The following AOX1 variants were observed in gnomAD, a reference collection of about 807,000 sequenced individuals.
The protein encoded by AOX1 is aldehyde oxidase 1.
A neutral mutation model predicts 169.5 loss-of-function variants in AOX1; 153 were observed. That is an observed-to-expected ratio of 0.90 (90% CI 0.79 to 1.03). The LOEUF (loss-of-function observed/expected upper bound fraction) is 1.03, where lower values mean the gene tolerates loss of function less well. Ranked by LOEUF, AOX1 falls within the 50% of genes least tolerant of loss-of-function variation. The pLI is 0.00. For synonymous variants in AOX1, 562 were observed against 581.9 expected (o/e 0.97, Z 0.49); for missense variants, 1,656 against 1,663.9 (o/e 1.00, Z 0.08).
chr2:200,649,512 A>C (rs772498165), intron 25 of AOX1, among the ~76,000 whole-genome samples: 47 of 152,090 alleles, frequency 3.1e-4, no homozygotes, highest in Non-Finnish European at 5.4e-4. Flanking sequence ...GGGTCCTCTC[A>C]GGATTATTGC....
chr2:200,587,126 A>AAAC (rs1020636022), intron 1 of AOX1, among the ~76,000 whole-genome samples: 1 of 151,708 alleles, frequency 6.6e-6, no homozygotes, highest in African/African-American at 2.4e-5. Context: ...AAACAAAACA[A>AAAC]AACAACAACA....
At position 200,620,777 on chromosome 2, in the gene AOX1, T is replaced by A; in HGVS notation, c.1832T>A (p.Phe611Tyr). ...ATGCCTCTGGTGGACCAGGAACTTT[T>A]CTTGACTTTTGTGACTAGTTCAAGA... Reference protein sequence around the residue: ...DDMPLVDQELFLTFVTSSRAH... With the variant: ...DDMPLVDQELYLTFVTSSRAH... The change falls in exon 17 of 35, where the codon TTC (phenylalanine) becomes TAC (tyrosine). Residue 611 changes from phenylalanine (F) to tyrosine (Y), a missense_variant. Physicochemically the swap from Phe to Tyr is conservative, Grantham distance 22. Transcript: ENST00000374700. 6.2e-7 allele frequency: 1 copy of A among 1,606,876 alleles called. No individual in the cohort carries two copies. Among genetic ancestry groups the A allele is most frequent in the Admixed American group, 1.7e-5 (1 of 58,082 alleles).
downstream of AOX1, among the ~76,000 whole-genome samples, chr2:200,672,923 G>A (rs1407777053): frequency 1.3e-5 from 2 of 152,184 alleles, no homozygotes; most frequent in East Asian, 3.9e-4. Context: ...GCAGCAGTGG[G>A]GCCCATGTGG....
chr2:200,586,955 G>T (rs1191833491), intron 1 of AOX1, among the ~76,000 whole-genome samples: 1 of 152,138 alleles, frequency 6.6e-6, no homozygotes. Context: ...TACTCTGAAG[G>T]AGGAAACTGA....
chr2:200,600,512 G>A (rs951933429), intron 5 of AOX1, among the ~76,000 whole-genome samples: 1 of 151,900 alleles, frequency 6.6e-6, no homozygotes, highest in African/African-American at 2.4e-5. Context: ...TTCTAAACAC[G>A]TTTTTTTAAG....
intron 25 of AOX1, among the ~76,000 whole-genome samples, chr2:200,643,994 T>C (rs2035405161): frequency 6.6e-6 from 1 of 152,218 alleles, no homozygotes; most frequent in African/African-American, 2.4e-5. Context: ...GAGGATTTTC[T>C]CCCACTCTGT....
rs1248576912 is a variant in AOX1 at position 200,609,003 on chromosome 2, T to G, written c.927T>G (p.Gly309=). The G allele has an allele frequency of 6.2e-7, 1 of 1,613,918 alleles. No individual in the cohort carries two copies. The highest frequency in any genetic ancestry group is 8.5e-7 in the Non-Finnish European group (1 of 1,179,964). Residue 309 remains glycine, a synonymous_variant, in exon 11 of 35, where the codon GGT becomes GGG. Transcript: ENST00000374700. ...TTTCAGGACTCACCCTTGGTGCTGG[T>G]CTCAGCCTAGCCCAGGTGAAGGACA... ...HAYNGLTLGA[G]LSLAQVKDIL... is the part of the protein sequence containing the mutation.
intron 15 of AOX1, among the ~76,000 whole-genome samples, chr2:200,614,585 A>T (rs2034712645): frequency 6.6e-6 from 1 of 152,184 alleles, no homozygotes; most frequent in East Asian, 1.9e-4. Flanking sequence ...AACTAAAAAA[A>T]ATTCTCTGAA....
chr2:200,590,130 A>G (rs2034138110), intron 1 of AOX1, among the ~76,000 whole-genome samples: 1 of 151,336 alleles, frequency 6.6e-6, no homozygotes, highest in South Asian at 2.1e-4. Context: ...CTTCACATGC[A>G]CCTCTACCCC....
chr2:200,620,897 G>A, intron 17 of AOX1, 78 bp downstream of exon 17: 2 of 1,486,166 alleles, frequency 1.3e-6, no homozygotes, highest in Non-Finnish European at 1.8e-6. Context: ...AAGTAATGGT[G>A]TGAAGAAATA....
intron 22 of AOX1, 121 bp downstream of exon 22, chr2:200,637,165 C>A (rs2035252376): frequency 8.1e-7 from 1 of 1,228,258 alleles, no homozygotes. Context: ...TACAAACACA[C>A]AAACAAGCTG....
At chr2:200,666,056 T>TA (rs1007408574) in intron 31 of AOX1, among the ~76,000 whole-genome samples, 3 of 152,176 alleles carry the variant, frequency 2.0e-5, no homozygotes, top group Admixed American at 6.6e-5. Context: ...TATATCACAT[T>TA]AAAAAAAATG....
chr2:200,586,239 C>G (rs148878576), intron 1 of AOX1, 86 bp downstream of exon 1: 20,564 of 1,385,544 alleles, frequency 0.015, 230 homozygotes, highest in Middle Eastern at 0.049. Context: ...CCCATCCTTT[C>G]GTGCCCGCCG....
chr2:200,601,611 A>G (rs534078476), intron 5 of AOX1, among the ~76,000 whole-genome samples: 1 of 148,152 alleles, frequency 6.7e-6, no homozygotes, highest in East Asian at 2.0e-4. Flanking sequence ...ATAACAGCTC[A>G]GTAAAATGGA....
chr2:200,661,113 T>A (rs1013399417), intron 29 of AOX1, among the ~76,000 whole-genome samples: 3 of 152,168 alleles, frequency 2.0e-5, no homozygotes, highest in Non-Finnish European at 4.4e-5. Flanking sequence ...AATGGTACAA[T>A]TTAGCAAAAT....
In AOX1 at chr2:200,607,252, G is replaced by A. The variant is rs1024280321; in HGVS notation, c.907+1624G>A. ...CTATAGAGATAATCATGTGGTTTTC[G>A]TCACTGGTTCTGTTTATGTGAGGGA... On this transcript the variant is annotated intron_variant, in intron 10 of 34. Transcript: ENST00000374700. Among the ~76,000 whole-genome samples the A allele has an allele frequency of 6.6e-5, 10 of 152,230 alleles. No individual in the cohort carries two copies. The East Asian group carries it at 7.7e-4, about 12-fold the overall frequency.
At chr2:200,656,175 A>G (rs781103665) in intron 26 of AOX1, among the ~76,000 whole-genome samples, 1 of 152,204 alleles carries the variant, frequency 6.6e-6, no homozygotes, top group Non-Finnish European at 1.5e-5. Flanking sequence ...TAGGAGGACC[A>G]TTGCTGCTGA....
At chr2:200,632,304 T>C (rs2035143104) in intron 20 of AOX1, among the ~76,000 whole-genome samples, 2 of 146,384 alleles carry the variant, frequency 1.4e-5, no homozygotes, top group African/African-American at 2.5e-5. Context: ...CACACATACA[T>C]ATACACATAC....
chr2:200,586,252 T>G (rs550128286), intron 1 of AOX1, 99 bp downstream of exon 1: 306 of 1,294,084 alleles, frequency 2.4e-4, no homozygotes, highest in Non-Finnish European at 3.0e-4. Context: ...GCCCGCCGTT[T>G]AAGGCACTCA....
Sources: allele counts gnomAD v4.1 joint callset (sites outside exome capture counted in the v4.1 genomes callset), GRCh38; gene constraint gnomAD v4.1.1; transcripts MANE v1.5; gene names NCBI Gene and HGNC (gene_info 2026-07-23, HGNC 2026-07-21).